Variants in PRAG1 observed in about 807,000 individuals in gnomAD.
The protein encoded by PRAG1 is inactive tyrosine-protein kinase PRAG1.
In PRAG1, 110 loss-of-function variants were observed where a neutral mutation model predicts 95.6. The observed-to-expected ratio is 1.15, with a 90% CI of 0.99 to 1.35. The LOEUF (loss-of-function observed/expected upper bound fraction) is 1.35. PRAG1 is among the 40% of genes most tolerant of loss of function. The pLI is 0.00. For synonymous variants in PRAG1, 1,052 were observed against 819.4 expected (o/e 1.28, Z -4.85); for missense variants, 2,554 against 1,864.7 (o/e 1.37, Z -6.81).
At chr8:8,329,712 A>C (rs1366847656) in intron 4 of PRAG1, among the ~76,000 whole-genome samples, 1 of 152,152 alleles carries the variant, frequency 6.6e-6, no homozygotes, top group Non-Finnish European at 1.5e-5. Context: ...TGCTTTCTCC[A>C]ACCCAAGAGG....
chr8:8,356,983 A>C (rs1585253926), intron 3 of PRAG1, among the ~76,000 whole-genome samples: 1 of 152,212 alleles, frequency 6.6e-6, no homozygotes, highest in African/African-American at 2.4e-5. Context: ...ATCCACATGC[A>C]AAAAAATGAA....
intron 5 of PRAG1, among the ~76,000 whole-genome samples, chr8:8,321,604 C>G (rs541283957): frequency 6.6e-6 from 1 of 152,274 alleles, no homozygotes; most frequent in South Asian, 2.1e-4. Context: ...GGGTTCCATG[C>G]AGCATCTCAT....
chr8:8,367,205 G>C (rs192357907), intron 3 of PRAG1, among the ~76,000 whole-genome samples: 17 of 151,922 alleles, frequency 1.1e-4, no homozygotes, highest in Non-Finnish European at 2.1e-4. Flanking sequence ...CCATCCTTTT[G>C]ATCTGTACAT....
Position 8,376,486 on chromosome 8 carries a change from T to G in PRAG1, c.1923A>C (p.Glu641Asp). 1 of 1,613,626 alleles carries G rather than the reference T, an allele frequency of 6.2e-7. No homozygotes were observed. Among genetic ancestry groups the G allele is most frequent in the East Asian group, 2.2e-5 (1 of 44,876 alleles). ...GCAATTCCTGCTCCACCTCCTCTTCTTCCTCTATCCGGCACTGACGACTCC... is the reference window on the plus strand; with the variant it reads ...GCAATTCCTGCTCCACCTCCTCTTCGTCCTCTATCCGGCACTGACGACTCC... Reference protein sequence around the residue: ...GTWSRQCRIEEEEEVEQELLS... With the variant: ...GTWSRQCRIEDEEEVEQELLS... Residue 641 changes from glutamate (E) to aspartate (D), a missense_variant, in exon 3 of 6, where the codon GAA becomes GAC. By Grantham distance (45) the Glu-to-Asp change is conservative. Transcript: ENST00000615670.
rs753323204 is a variant in PRAG1, at chr8:8,319,054, C to T, written c.3321G>A (p.Ser1107=). 13 of 1,612,342 alleles carry T rather than the reference C, an allele frequency of 8.1e-6. No homozygotes were observed. The highest frequency in any genetic ancestry group is 1.0e-5 in the Non-Finnish European group (12 of 1,179,794). Residue 1107 remains serine, a synonymous_variant, in exon 6 of 6, where the codon TCG becomes TCA. Transcript: ENST00000615670. ...CGGGCTCCGCCTGGTGGCTGGCCGC[C>T]GAGTCCCGCACGAAGTCGGAGGCGG... ...HQTASDFVRD[S]AASHQAEPEA... is the part of the protein sequence containing the mutation.
intron 3 of PRAG1, among the ~76,000 whole-genome samples, chr8:8,366,534 G>C (rs908439940): frequency 7.9e-5 from 12 of 151,994 alleles, no homozygotes; most frequent in African/African-American, 2.7e-4. Flanking sequence ...GGCTGGTCTT[G>C]AACTCCTGAC....
intron 5 of PRAG1, among the ~76,000 whole-genome samples, chr8:8,321,459 G>T (rs758017016): frequency 3.9e-5 from 6 of 152,204 alleles, no homozygotes; most frequent in Admixed American, 1.3e-4. Context: ...GGTGGTGGGG[G>T]AAGTCCTCAA....
chr8:8,360,036 C>T (rs925166794), intron 3 of PRAG1, among the ~76,000 whole-genome samples: 1 of 152,092 alleles, frequency 6.6e-6, no homozygotes, highest in South Asian at 2.1e-4. Context: ...GGAGGAAAAC[C>T]AACAGATGAG....
Position 8,376,537 on chromosome 8 carries a change from C to T in PRAG1, c.1872G>A (p.Arg624=). 2 of 1,610,342 alleles carry T rather than the reference C, an allele frequency of 1.2e-6. No individual in the cohort carries two copies. Among genetic ancestry groups the T allele is most frequent in the Non-Finnish European group, 1.7e-6 (2 of 1,177,220 alleles). Residue 624 remains arginine (R), a synonymous_variant, in exon 3 of 6, where the codon AGG becomes AGA. Transcript: ENST00000615670. ...QPAASSASEQ[R]RPRFQAGTWS... Reference sequence around the variant, plus strand: ...AGGTGCCTGCCTGGAACCTGGGCCGCCTCTGTTCCGAGGCTGACGAGGCGG... The same window carrying T: ...AGGTGCCTGCCTGGAACCTGGGCCGTCTCTGTTCCGAGGCTGACGAGGCGG...
At chr8:8,351,451 A>G (rs1228463268) in intron 3 of PRAG1, among the ~76,000 whole-genome samples, 1 of 152,220 alleles carries the variant, frequency 6.6e-6, no homozygotes, top group Non-Finnish European at 1.5e-5. Context: ...TATCGACAGA[A>G]GCAGAAATCT....
intron 3 of PRAG1, among the ~76,000 whole-genome samples, chr8:8,358,313 C>A (rs1799743166): frequency 6.6e-6 from 1 of 152,180 alleles, no homozygotes; most frequent in Non-Finnish European, 1.5e-5. Flanking sequence ...CTCAAGGAAA[C>A]CCCAGAGGTT....
At chr8:8,379,229 C>T (rs138348410) in intron 2 of PRAG1, among the ~76,000 whole-genome samples, 2 of 152,276 alleles carry the variant, frequency 1.3e-5, no homozygotes, top group East Asian at 1.9e-4. Context: ...ATCTTTCTCC[C>T]GCCTACAGCA....
chr8:8,356,061 T>C (rs1010406594), intron 3 of PRAG1, among the ~76,000 whole-genome samples: 1 of 152,138 alleles, frequency 6.6e-6, no homozygotes, highest in African/African-American at 2.4e-5. Flanking sequence ...TTATGAAGAA[T>C]TCTTACAACT....
chr8:8,319,390 A>C (rs1798403122), intron 5 of PRAG1, 88 bp from the exon 6 acceptor site: 1 of 1,134,026 alleles, frequency 8.8e-7, no homozygotes, highest in Non-Finnish European at 1.2e-6. Context: ...ATCTACGTGC[A>C]ATAAGCCTAT....
chr8:8,363,889 C>T (rs144944879), intron 3 of PRAG1, among the ~76,000 whole-genome samples: 2 of 152,060 alleles, frequency 1.3e-5, no homozygotes, highest in South Asian at 4.1e-4. Flanking sequence ...TCAGTCAATA[C>T]CAGTATGAGG....
rs757533927 is a variant in PRAG1, at chr8:8,377,076, C to G, written c.1333G>C (p.Val445Leu). 1 of 1,613,812 alleles carries G rather than the reference C, an allele frequency of 6.2e-7. No individual in the cohort carries two copies. Among genetic ancestry groups the G allele is most frequent in the Non-Finnish European group, 8.5e-7 (1 of 1,180,036 alleles). The stretch of plus-strand genomic sequence containing the variant: ...TGGGCCCAGGCATTACCTGTGCATA[C>G]CTGGCCTTGGCCCTGGGCAGCAGCT... ...HAAAAQGQGQ[V>L]CTGNAWAQKA... The change falls in exon 3 of 6, where the codon GTA becomes CTA. Residue 445 changes from valine to leucine, a missense_variant. Transcript: ENST00000615670.
intron 3 of PRAG1, among the ~76,000 whole-genome samples, chr8:8,365,621 A>C (rs1406774741): frequency 6.6e-6 from 1 of 151,532 alleles, no homozygotes; most frequent in Non-Finnish European, 1.5e-5. Flanking sequence ...TGAAACTCCA[A>C]CTCAAAAATA....
In PRAG1 at chr8:8,374,743, G is replaced by A. The variant is rs572240786; in HGVS notation, c.2162+1504C>T. The A allele has an allele frequency of 8.1e-4, 794 of 983,204 alleles. 1 individual carries two copies. The highest frequency in any genetic ancestry group is 1.1e-3 in the Middle Eastern group (2 of 1,904). The allele number at this position is 983,204 out of a possible 1,614,324, so 60.9% of individuals were successfully genotyped here. ...GATCTGGAAGATGTCTGTTCTCCAT[G>A]GTGGGCGGCCAGTGCAATACCAGAA... On this transcript the variant is annotated intron_variant, in intron 3 of 5. Coordinates refer to ENST00000615670, the MANE Select transcript of PRAG1 (RefSeq NM_001080826.3).
At chr8:8,379,627 A>G (rs1372596669) in intron 2 of PRAG1, among the ~76,000 whole-genome samples, 1 of 152,260 alleles carries the variant, frequency 6.6e-6, no homozygotes, top group Non-Finnish European at 1.5e-5. Flanking sequence ...ATGCTCACAC[A>G]GCCTTCCTGA....
Sources: gnomAD v4.1 joint callset for allele counts (sites outside exome capture counted in the v4.1 genomes callset) on GRCh38, gnomAD v4.1.1 for gene constraint, MANE v1.5 for transcripts, NCBI Gene and HGNC (gene_info 2026-07-23, HGNC 2026-07-21) for gene names.